Variants in DIAPH3 observed in about 807,000 individuals in gnomAD.
The protein encoded by DIAPH3 is protein diaphanous homolog 3.
In DIAPH3, 117 loss-of-function variants were observed where a neutral mutation model predicts 144.3. The ratio of observed to expected loss-of-function variants is 0.81; its 90% CI spans 0.70 to 0.95. The LOEUF is 0.95. DIAPH3 is among the 40% of genes least tolerant of loss of function. DIAPH3 has a pLI of 0.00. For synonymous variants in DIAPH3, 519 were observed against 488.9 expected (o/e 1.06, Z -0.81); for missense variants, 1,421 against 1,412.7 (o/e 1.01, Z -0.09).
chr13:60,073,262 C>A (rs1230738900), intron 4 of DIAPH3, among the ~76,000 whole-genome samples: 1 of 150,818 alleles, frequency 6.6e-6, no homozygotes, highest in South Asian at 2.1e-4. Context: ...TGAGCCGAGG[C>A]GGCGCCACTG....
chr13:59,929,169 T>C (rs577470623), intron 17 of DIAPH3, among the ~76,000 whole-genome samples: 4 of 152,306 alleles, frequency 2.6e-5, no homozygotes, highest in Admixed American at 6.5e-5. Context: ...CCCGTAAGTA[T>C]TATGCAAACA....
chr13:59,800,586 C>G (rs578176075), intron 25 of DIAPH3, among the ~76,000 whole-genome samples: 265 of 152,294 alleles, frequency 1.7e-3, no homozygotes, highest in African/African-American at 6.1e-3. Flanking sequence ...CGGCAGATAT[C>G]ATGATTTAGG....
chr13:59,855,418 T>C (rs1409691507), intron 22 of DIAPH3, among the ~76,000 whole-genome samples: 1 of 151,992 alleles, frequency 6.6e-6, no homozygotes, highest in Non-Finnish European at 1.5e-5. Context: ...CAAACATATA[T>C]AAATTATATT....
chr13:59,851,631 G>T (rs1216953420), intron 22 of DIAPH3, among the ~76,000 whole-genome samples: 1 of 141,696 alleles, frequency 7.1e-6, no homozygotes, highest in African/African-American at 2.5e-5. Flanking sequence ...ATGAATAGAT[G>T]AATCTTTTTT....
intron 27 of DIAPH3, among the ~76,000 whole-genome samples, chr13:59,742,342 T>C (rs559908714): frequency 6.6e-6 from 1 of 152,272 alleles, no homozygotes; most frequent in South Asian, 2.1e-4. Context: ...AAAATTTGCA[T>C]ATTTTTATGC....
chr13:60,029,946 G>A (rs2054664763), intron 5 of DIAPH3, among the ~76,000 whole-genome samples: 1 of 151,954 alleles, frequency 6.6e-6, no homozygotes, highest in Admixed American at 6.6e-5. Flanking sequence ...CACCTTCTCT[G>A]ACAGCCTTTT....
chr13:59,704,777 T>G (rs1311570098), intron 27 of DIAPH3, among the ~76,000 whole-genome samples: 1 of 152,206 alleles, frequency 6.6e-6, no homozygotes, highest in Non-Finnish European at 1.5e-5. Context: ...CCATCTAGGT[T>G]TGTGTTAGGT....
intron 27 of DIAPH3, among the ~76,000 whole-genome samples, chr13:59,720,026 A>G (rs1385035263): frequency 2.6e-5 from 4 of 152,166 alleles, no homozygotes; most frequent in African/African-American, 9.7e-5. Context: ...ACAATGGGCT[A>G]TGTTCTGAGA....
intron 17 of DIAPH3, among the ~76,000 whole-genome samples, chr13:59,948,739 G>A (rs1056593251): frequency 1.1e-4 from 17 of 152,116 alleles, no homozygotes; most frequent in South Asian, 8.3e-4. Context: ...GGGGTTGTAG[G>A]TGTGAGCTAC....
intron 17 of DIAPH3, among the ~76,000 whole-genome samples, chr13:59,946,865 C>A (rs916826802): frequency 2.5e-4 from 38 of 151,968 alleles, no homozygotes; most frequent in African/African-American, 9.2e-4. Flanking sequence ...GGGAAAAAAA[C>A]TCTTAAGATA....
intron 27 of DIAPH3, among the ~76,000 whole-genome samples, chr13:59,739,679 T>C (rs1593717509): frequency 6.6e-6 from 1 of 152,024 alleles, no homozygotes; most frequent in Admixed American, 6.6e-5. Context: ...ATAAAGTAAA[T>C]ATCAAAACTG....
intron 23 of DIAPH3, among the ~76,000 whole-genome samples, chr13:59,833,944 A>C (rs2041913841): frequency 6.6e-6 from 1 of 151,544 alleles, no homozygotes; most frequent in Non-Finnish European, 1.5e-5. Context: ...TAAGAGTTAA[A>C]CTGAAAACTT....
chr13:59,879,081 A>G (rs1003394137), intron 21 of DIAPH3, 148 bp downstream of exon 21: 1 of 1,083,478 alleles, frequency 9.2e-7, no homozygotes, highest in Admixed American at 2.6e-5. Context: ...AAATTAGCTC[A>G]GTTCACTCTG....
chr13:59,800,777 C>T (rs1031611509), intron 25 of DIAPH3, among the ~76,000 whole-genome samples: 7 of 152,114 alleles, frequency 4.6e-5, no homozygotes, highest in Non-Finnish European at 7.4e-5. Flanking sequence ...CAAGTGTGAA[C>T]GGTATTTCCA....
At chr13:59,796,005 TGG>T (rs1326575989) in intron 25 of DIAPH3, among the ~76,000 whole-genome samples, 1 of 152,116 alleles carries the variant, frequency 6.6e-6, no homozygotes. Context: ...TTAACAGCTG[TGG>T]TAAAAAGTCC....
At chr13:59,757,631 A>G (rs1443298569) in intron 27 of DIAPH3, among the ~76,000 whole-genome samples, 1 of 151,638 alleles carries the variant, frequency 6.6e-6, no homozygotes, top group Admixed American at 6.6e-5. Context: ...CGATCTCCTG[A>G]CCTCGTGATC....
chr13:60,146,368 T>G (rs1594777550), intron 1 of DIAPH3, among the ~76,000 whole-genome samples: 1 of 152,310 alleles, frequency 6.6e-6, no homozygotes, highest in South Asian at 2.1e-4. Flanking sequence ...GTCATTTATT[T>G]TCCCTTCTTG....
intron 17 of DIAPH3, among the ~76,000 whole-genome samples, chr13:59,959,407 C>T (rs1159254279): frequency 1.3e-5 from 2 of 151,972 alleles, no homozygotes; most frequent in Non-Finnish European, 1.5e-5. Flanking sequence ...GATATTTTAC[C>T]CCACATGGAA....
At chr13:60,016,267 C>T (rs2053642621) in intron 5 of DIAPH3, 122 bp from the exon 6 acceptor site, 2 of 872,118 alleles carry the variant, frequency 2.3e-6, no homozygotes, top group East Asian at 2.7e-5. Context: ...ATAAGAATAA[C>T]ACCATATATA....
Sources: gnomAD v4.1 joint callset for allele counts (sites outside exome capture counted in the v4.1 genomes callset) on GRCh38, gnomAD v4.1.1 for gene constraint, MANE v1.5 for transcripts, NCBI Gene and HGNC (gene_info 2026-07-23, HGNC 2026-07-21) for gene names.